Variants in SORCS3 observed in about 807,000 individuals in gnomAD.
SORCS3 encodes the protein sortilin related VPS10 domain containing receptor 3, also known as VPS10 domain-containing receptor SorCS3.
A neutral mutation model predicts 146.3 loss-of-function variants in SORCS3; 57 were observed. The ratio of observed to expected loss-of-function variants is 0.39; its 90% CI spans 0.31 to 0.49. The LOEUF is 0.49. SORCS3 is among the 20% of genes least tolerant of loss of function. SORCS3 has a pLI of 0.92. For synonymous variants in SORCS3, 653 were observed against 618.5 expected, an observed-to-expected ratio of 1.06 and a Z score of -0.83; for missense variants, 1,341 against 1,575.5, an observed-to-expected ratio of 0.85 and a Z score of 2.52.
chr10:104,848,310 T>C (rs1169195726), intron 2 of SORCS3, among the ~76,000 whole-genome samples: 1 of 152,154 alleles, frequency 6.6e-6, no homozygotes, highest in African/African-American at 2.4e-5. Flanking sequence ...GTCAGTGACC[T>C]TTCTCGGGGA....
chr10:105,194,601 C>G (rs1015344599), intron 14 of SORCS3, among the ~76,000 whole-genome samples: 5 of 152,148 alleles, frequency 3.3e-5, no homozygotes, highest in African/African-American at 1.2e-4. Context: ...ATTTCACGCT[C>G]TAGAATTGCC....
intron 4 of SORCS3, among the ~76,000 whole-genome samples, chr10:105,041,842 T>G (rs113347298): frequency 0.013 from 1,935 of 152,204 alleles, 25 homozygotes; most frequent in African/African-American, 0.034. Context: ...ATAAACTTGA[T>G]AGCCACTCTG....
chr10:105,047,071 A>C (rs917210711), intron 5 of SORCS3, among the ~76,000 whole-genome samples: 1 of 152,152 alleles, frequency 6.6e-6, no homozygotes, highest in Non-Finnish European at 1.5e-5. Context: ...ACTGAGCTAC[A>C]AATGAATAGT....
At chr10:105,134,912 C>A (rs1428704716) in intron 7 of SORCS3, among the ~76,000 whole-genome samples, 1 of 152,166 alleles carries the variant, frequency 6.6e-6, no homozygotes, top group Non-Finnish European at 1.5e-5. Context: ...CAAGGAGATT[C>A]ATCCTGAGGC....
chr10:104,685,105 A>G (rs2016029269), intron 1 of SORCS3, among the ~76,000 whole-genome samples: 1 of 152,084 alleles, frequency 6.6e-6, no homozygotes. Context: ...GGTGTGTACC[A>G]CCAAGCCTGG....
chr10:105,172,260 C>T (rs2056366435), intron 13 of SORCS3, among the ~76,000 whole-genome samples: 2 of 152,142 alleles, frequency 1.3e-5, no homozygotes, highest in African/African-American at 4.8e-5. Context: ...ATATGCAACT[C>T]AAGACAGATT....
chr10:104,893,142 C>G (rs1310725282), intron 2 of SORCS3, among the ~76,000 whole-genome samples: 1 of 152,294 alleles, frequency 6.6e-6, no homozygotes, highest in East Asian at 1.9e-4. Context: ...TTGTCTACCT[C>G]CCACTCTAGA....
intron 9 of SORCS3, among the ~76,000 whole-genome samples, chr10:105,156,321 C>A (rs2056208590): frequency 6.6e-6 from 1 of 152,172 alleles, no homozygotes; most frequent in Admixed American, 6.5e-5. Flanking sequence ...ATCTGCTTTC[C>A]TTGCCCAGCA....
chr10:104,751,963 ATATAT>A (rs2016992526), intron 1 of SORCS3, among the ~76,000 whole-genome samples: 1 of 106,506 alleles, frequency 9.4e-6, no homozygotes, highest in Non-Finnish European at 1.8e-5. Context: ...ATATATATAT[ATATAT>A]AATAGTTTAG....
intron 1 of SORCS3, among the ~76,000 whole-genome samples, chr10:104,831,127 C>T (rs2017995977): frequency 6.6e-6 from 1 of 152,102 alleles, no homozygotes; most frequent in Non-Finnish European, 1.5e-5. Context: ...GCCACTGCAC[C>T]AAGCCACGAC....
intron 21 of SORCS3, 143 bp downstream of exon 21, chr10:105,245,808 C>T: frequency 1.0e-6 from 1 of 961,660 alleles, no homozygotes; most frequent in Non-Finnish European, 1.5e-6. Context: ...TCCAAACCTA[C>T]CTCCGACCTA....
chr10:104,687,850 A>G (rs1285711439), intron 1 of SORCS3, among the ~76,000 whole-genome samples: 4 of 151,978 alleles, frequency 2.6e-5, no homozygotes, highest in East Asian at 3.9e-4. Flanking sequence ...TAAAGGGGGG[A>G]CAATAATAGT....
At chr10:104,861,485 A>G (rs1471601044) in intron 2 of SORCS3, among the ~76,000 whole-genome samples, 2 of 152,102 alleles carry the variant, frequency 1.3e-5, no homozygotes, top group South Asian at 2.1e-4. Flanking sequence ...GCTTGCTTCA[A>G]TTTCTGTCAG....
intron 20 of SORCS3, among the ~76,000 whole-genome samples, chr10:105,233,711 C>A (rs2056777680): frequency 6.6e-6 from 1 of 152,162 alleles, no homozygotes; most frequent in South Asian, 2.1e-4. Flanking sequence ...TTTCTAGCTT[C>A]ATCCATGTTC....
At chr10:105,222,403 T>G (rs540614991) in intron 19 of SORCS3, among the ~76,000 whole-genome samples, 1 of 152,288 alleles carries the variant, frequency 6.6e-6, no homozygotes, top group African/African-American at 2.4e-5. Flanking sequence ...CATTTTAGTT[T>G]GGAAAGTAAA....
At chr10:105,157,990 T>C (rs2056226778) in intron 10 of SORCS3, among the ~76,000 whole-genome samples, 1 of 152,266 alleles carries the variant, frequency 6.6e-6, no homozygotes. Flanking sequence ...TAACCACTTA[T>C]CTTATTCTAG....
intron 5 of SORCS3, among the ~76,000 whole-genome samples, chr10:105,085,817 T>C (rs1325548952): frequency 6.6e-6 from 1 of 152,118 alleles, no homozygotes; most frequent in East Asian, 1.9e-4. Flanking sequence ...TCTCTAGATG[T>C]ATGTGTGTGT....
chr10:105,035,806 G>A (rs1047313812), intron 4 of SORCS3, among the ~76,000 whole-genome samples: 4 of 152,136 alleles, frequency 2.6e-5, no homozygotes. Flanking sequence ...TGCTTGAAAA[G>A]TACTTTTTCA....
intron 20 of SORCS3, among the ~76,000 whole-genome samples, chr10:105,232,809 C>G (rs1564790970): frequency 6.6e-6 from 1 of 151,940 alleles, no homozygotes. Flanking sequence ...CTTGTTTAAT[C>G]TCCGTGTATT....
Sources: gnomAD v4.1 joint callset for allele counts (sites outside exome capture counted in the v4.1 genomes callset) on GRCh38, gnomAD v4.1.1 for gene constraint, MANE v1.5 for transcripts, NCBI Gene and HGNC (gene_info 2026-07-23, HGNC 2026-07-21) for gene names.